The following SAMD4A variants were observed in gnomAD, a reference collection of about 807,000 sequenced individuals.
The protein encoded by SAMD4A is protein Smaug homolog 1.
In SAMD4A, 33 loss-of-function variants were observed where a neutral mutation model predicts 81.3. That is an observed-to-expected ratio of 0.41 (90% CI 0.31 to 0.54). SAMD4A has a LOEUF of 0.54. Among genes scored for constraint, SAMD4A ranks in the 20% least tolerant of loss-of-function variants. The probability of loss-of-function intolerance (pLI) is 0.37; values close to 1 mark genes in which losing one functional copy is unlikely to be tolerated. For synonymous variants in SAMD4A, 389 were observed against 382.1 expected (o/e 1.02, Z -0.21); for missense variants, 854 against 951.1 (o/e 0.90, Z 1.34).
intron 8 of SAMD4A, among the ~76,000 whole-genome samples, chr14:54,767,058 A>G (rs1226215659): frequency 6.6e-6 from 1 of 152,140 alleles, no homozygotes; most frequent in Non-Finnish European, 1.5e-5. Flanking sequence ...CTGCTTGCTA[A>G]GTTCATGTCA....
At position 54,719,082 on chromosome 14, in the gene SAMD4A, T is replaced by G. The variant is rs56783160; in HGVS notation, c.715+16502T>G. Among the ~76,000 whole-genome samples, 951 of 152,198 alleles carry G rather than the reference T, an allele frequency of 6.2e-3. 9 individuals are homozygous for G. Among genetic ancestry groups the G allele is most frequent in the African/African-American group, 0.022 (899 of 41,520 alleles). On this transcript the variant is annotated intron_variant, in intron 3 of 12. Coordinates refer to ENST00000554335, the MANE Select transcript of SAMD4A (RefSeq NM_015589.6). Reference sequence around the variant, plus strand: ...GAACGCCTTTCCCCATTCCCCTTCCTTCTTGTAGAACAGCCAGCTTAGACT... The same window carrying G: ...GAACGCCTTTCCCCATTCCCCTTCCGTCTTGTAGAACAGCCAGCTTAGACT...
At chr14:54,591,763 T>G (rs554459631) in intron 2 of SAMD4A, among the ~76,000 whole-genome samples, 1 of 152,324 alleles carries the variant, frequency 6.6e-6, no homozygotes, top group East Asian at 1.9e-4. Flanking sequence ...TCTTTCCCTT[T>G]TATTTCTCCT....
chr14:54,602,607 A>C (rs962767397), intron 2 of SAMD4A, among the ~76,000 whole-genome samples: 1 of 151,854 alleles, frequency 6.6e-6, no homozygotes, highest in African/African-American at 2.4e-5. Flanking sequence ...TGGAGACTTA[A>C]GACATTCACC....
rs74049646 is a variant in SAMD4A at position 54,766,406 on chromosome 14, A to G, written c.1596+1866A>G. Among the ~76,000 whole-genome samples the G allele has an allele frequency of 2.9e-3, 438 of 152,324 alleles. 2 individuals are homozygous for G. Among genetic ancestry groups the G allele is most frequent in the African/African-American group, 0.01 (423 of 41,576 alleles). ...GGGGTGAGACAGAAAGAAACAGGCCATCACAGCCATGATGAGAAAGCCTCT... is the reference window on the plus strand; with the variant it reads ...GGGGTGAGACAGAAAGAAACAGGCCGTCACAGCCATGATGAGAAAGCCTCT... On this transcript the variant is annotated intron_variant, in intron 8 of 12. Transcript: ENST00000554335.
intron 3 of SAMD4A, among the ~76,000 whole-genome samples, chr14:54,715,414 T>G (rs2037094439): frequency 1.3e-5 from 2 of 151,460 alleles, no homozygotes; most frequent in South Asian, 2.1e-4. Flanking sequence ...GGGAGGAGAG[T>G]GAAATGTCTA....
chr14:54,783,350 G>A (rs1403965768), intron 11 of SAMD4A, among the ~76,000 whole-genome samples: 2 of 152,158 alleles, frequency 1.3e-5, no homozygotes, highest in Non-Finnish European at 2.9e-5. Flanking sequence ...GGTAGTTGAG[G>A]ACATTTAAAG....
chr14:54,727,813 C>T (rs1004612173), intron 3 of SAMD4A, among the ~76,000 whole-genome samples: 8 of 152,090 alleles, frequency 5.3e-5, no homozygotes, highest in Admixed American at 1.3e-4. Context: ...TAGATGAACA[C>T]GCACGCGCAC....
chr14:54,686,455 A>G (rs2036271873), intron 2 of SAMD4A, among the ~76,000 whole-genome samples: 1 of 152,046 alleles, frequency 6.6e-6, no homozygotes, highest in Non-Finnish European at 1.5e-5. Flanking sequence ...TTTGCATGTG[A>G]ATCATAGCTT....
intron 9 of SAMD4A, among the ~76,000 whole-genome samples, chr14:54,773,578 C>G (rs1184041659): frequency 6.6e-6 from 1 of 152,208 alleles, no homozygotes; most frequent in East Asian, 1.9e-4. Context: ...TCACCCAACC[C>G]AACGGCAGCG....
At position 54,776,015 on chromosome 14, in the gene SAMD4A, TAAAAAAAAAAAAAAA is replaced by T. The variant is rs10539223; in HGVS notation, c.1918-386_1918-372del. ...GCTTTGGAGTACATTGTAAGAATCT[TAAAAAAAAAAAAAAA>T]AAAAAAAAAAAATCAGAGCCCTGAA... On this transcript the variant is annotated intron_variant, in intron 10 of 12. Coordinates refer to ENST00000554335, the MANE Select transcript of SAMD4A (RefSeq NM_015589.6). Among the ~76,000 whole-genome samples, 137 of 89,840 alleles carry T rather than the reference TAAAAAAAAAAAAAAA, an allele frequency of 1.5e-3. 3 individuals carry two copies. The East Asian group carries it at 0.028, about 18-fold the overall frequency. 58.9% of individuals were successfully genotyped at this position (89,840 alleles called of 152,430 possible).
In SAMD4A at chr14:54,789,211, G is replaced by T; in HGVS notation, c.*267G>T. ...GGGGTCTCTAGGGAATTATGAGACTGGGAGGGGGGTGGAGGGAATGCAGGT... is the reference window on the plus strand; with the variant it reads ...GGGGTCTCTAGGGAATTATGAGACTTGGAGGGGGGTGGAGGGAATGCAGGT... On this transcript the variant is annotated 3_prime_UTR_variant, in exon 13 of 13. Transcript: ENST00000554335. 2.0e-6 allele frequency: 1 copy of T among 504,902 alleles called. No individual in the cohort carries two copies. Among genetic ancestry groups the T allele is most frequent in the Non-Finnish European group, 3.6e-6 (1 of 277,686 alleles). The allele number at this position is 504,902 out of a possible 1,614,324, so 31.3% of individuals were successfully genotyped here. A position where few individuals can be genotyped will look rare whatever the true frequency, so the allele number is the denominator to read the frequency against.
Position 54,783,157 on chromosome 14 carries a change from T to TAA in SAMD4A, c.2045-1364_2045-1363dup, listed in dbSNP as rs368455274. Among the ~76,000 whole-genome samples, 433 of 140,518 alleles carry TAA rather than the reference T, an allele frequency of 3.1e-3. 5 individuals carry two copies. The highest frequency in any genetic ancestry group is 7.1e-3 in the Middle Eastern group (2 of 280). 92.2% of individuals were successfully genotyped at this position (140,518 alleles called of 152,430 possible). ...TTTTCAAACCAGTGTCACAAAACTTTAAAAAAAAAAAAAAAAACAAAAAGG... is the reference window on the plus strand; with the variant it reads ...TTTTCAAACCAGTGTCACAAAACTTTAAAAAAAAAAAAAAAAAAACAAAAAGG... On this transcript the variant is annotated intron_variant, in intron 11 of 12. Transcript: ENST00000554335.
intron 3 of SAMD4A, among the ~76,000 whole-genome samples, chr14:54,724,007 T>TGGAAGGAAGGAAGGAAGGAAGGAAGAA (rs2037336814): frequency 8.1e-6 from 1 of 124,176 alleles, no homozygotes; most frequent in East Asian, 2.5e-4. Flanking sequence ...GATGGATGGA[T>TGGAAGGAAGGAAGGAAGGAAGGAAGAA]GGAAGGAAGG....
chr14:54,686,967 C>G (rs1175700461), intron 2 of SAMD4A, among the ~76,000 whole-genome samples: 1 of 152,192 alleles, frequency 6.6e-6, no homozygotes. Context: ...TTCTTCCAAT[C>G]TTTGTGCTTT....
At chr14:54,664,900 A>G (rs1275167679) in intron 2 of SAMD4A, among the ~76,000 whole-genome samples, 1 of 152,088 alleles carries the variant, frequency 6.6e-6, no homozygotes, top group African/African-American at 2.4e-5. Flanking sequence ...TTAACATTAG[A>G]TAGTTCAGGA....
chr14:54,636,077 A>G (rs1438425752), intron 2 of SAMD4A, among the ~76,000 whole-genome samples: 1 of 152,240 alleles, frequency 6.6e-6, no homozygotes, highest in East Asian at 1.9e-4. Flanking sequence ...TGTGGAAAAA[A>G]TGAAAAGTCA....
chr14:54,669,620 G>A (rs935003803), intron 2 of SAMD4A, among the ~76,000 whole-genome samples: 2 of 151,736 alleles, frequency 1.3e-5, no homozygotes, highest in Admixed American at 6.6e-5. Context: ...CACTACGCCC[G>A]GCTAGCACTC....
At chr14:54,637,365 CAAAAAA>C (rs1172084217) in intron 2 of SAMD4A, among the ~76,000 whole-genome samples, 78 of 63,780 alleles carry the variant, frequency 1.2e-3, no homozygotes, top group Middle Eastern at 0.014. Flanking sequence ...AACTCCATCT[CAAAAAA>C]AAAAAAAAAA....
chr14:54,566,813 G>C (rs1263871182), upstream of SAMD4A, among the ~76,000 whole-genome samples: 2 of 152,084 alleles, frequency 1.3e-5, no homozygotes, highest in African/African-American at 2.4e-5. Flanking sequence ...GGCCCAGGGA[G>C]ACCTCCCGGG....
Sources: allele counts gnomAD v4.1 joint callset (sites outside exome capture counted in the v4.1 genomes callset), GRCh38; gene constraint gnomAD v4.1.1; transcripts MANE v1.5; gene names NCBI Gene and HGNC (gene_info 2026-07-23, HGNC 2026-07-21).